Variants in CSMD1 observed in about 807,000 individuals in gnomAD.
CSMD1 encodes the protein CUB and sushi domain-containing protein 1.
CSMD1 carries 213 observed loss-of-function variants against 417.5 expected under a neutral mutation model. The ratio of observed to expected loss-of-function variants is 0.51; its 90% CI spans 0.46 to 0.57. The LOEUF (loss-of-function observed/expected upper bound fraction) is 0.57. CSMD1 is among the 20% of genes least tolerant of loss of function. The pLI is 0.00. For missense variants in CSMD1, 6,923 were observed against 4,529.7 expected (o/e 1.53, Z -15.17); for synonymous variants, 2,862 against 1,736.8 (o/e 1.65, Z -16.11).
Position 3,903,186 on chromosome 8 carries a change from C to G in CSMD1, c.818+94717G>C, listed in dbSNP as rs113089726. 3.7e-3 allele frequency among the ~76,000 whole-genome samples: 558 copies of G among 152,186 alleles called. 4 individuals are homozygous for G. The highest frequency in any genetic ancestry group is 0.013 in the African/African-American group (542 of 41,524). The stretch of plus-strand genomic sequence containing the variant: ...ATTTAGCGATTGAGTATTAAGTGTT[C>G]TTCTTACCCTTCAGTGTGACTCTGC... On this transcript the variant is annotated intron_variant, in intron 5 of 69. Transcript: ENST00000635120.
intron 5 of CSMD1, among the ~76,000 whole-genome samples, chr8:3,845,326 G>A (rs948609557): frequency 3.3e-5 from 5 of 152,166 alleles, no homozygotes; most frequent in Non-Finnish European, 7.4e-5. Flanking sequence ...CACACACTGA[G>A]GCTCTACGAT....
chr8:4,243,533 G>C (rs60461953), intron 3 of CSMD1, among the ~76,000 whole-genome samples: 13,123 of 152,036 alleles, frequency 0.086, 861 homozygotes, highest in East Asian at 0.38. Context: ...TGTAACCAGA[G>C]AAATGGGGAA....
At chr8:4,937,433 T>C (rs1288590039) in intron 1 of CSMD1, among the ~76,000 whole-genome samples, 1 of 152,152 alleles carries the variant, frequency 6.6e-6, no homozygotes, top group Non-Finnish European at 1.5e-5. Context: ...AATAGTGTTT[T>C]TCTCTATGAT....
chr8:4,869,782 ATC>A (rs1802628156), intron 1 of CSMD1, among the ~76,000 whole-genome samples: 1 of 152,030 alleles, frequency 6.6e-6, no homozygotes, highest in Non-Finnish European at 1.5e-5. Flanking sequence ...CTACTTACAC[ATC>A]TGTTTCTTTA....
chr8:4,125,960 T>C (rs1393411975), intron 3 of CSMD1, among the ~76,000 whole-genome samples: 2 of 152,114 alleles, frequency 1.3e-5, no homozygotes, highest in Non-Finnish European at 2.9e-5. Context: ...CACATTACTA[T>C]TGTAAAACCT....
intron 5 of CSMD1, among the ~76,000 whole-genome samples, chr8:3,860,955 T>A (rs960418383): frequency 3.3e-5 from 5 of 152,226 alleles, no homozygotes; most frequent in African/African-American, 1.2e-4. Context: ...TTGATATACT[T>A]CATGCAAAAT....
intron 3 of CSMD1, among the ~76,000 whole-genome samples, chr8:4,051,696 T>A (rs78089434): frequency 9.7e-4 from 148 of 152,224 alleles, no homozygotes; most frequent in African/African-American, 3.4e-3. Flanking sequence ...CAATTTATTT[T>A]CCAAAAATCA....
chr8:4,869,155 C>A (rs1186101535), intron 1 of CSMD1, among the ~76,000 whole-genome samples: 4 of 151,912 alleles, frequency 2.6e-5, no homozygotes, highest in Admixed American at 2.6e-4. Context: ...CAAAATAAAT[C>A]TATCTAGTAA....
chr8:3,976,676 C>G (rs2130135659), intron 5 of CSMD1, among the ~76,000 whole-genome samples: 1 of 152,294 alleles, frequency 6.6e-6, no homozygotes, highest in African/African-American at 2.4e-5. Context: ...TGCGCATTCC[C>G]TATTCTAAGA....
At chr8:3,538,047 T>A (rs1437978369) in intron 10 of CSMD1, among the ~76,000 whole-genome samples, 4 of 152,240 alleles carry the variant, frequency 2.6e-5, no homozygotes, top group Admixed American at 2.6e-4. Context: ...ATGCTAGATG[T>A]GCAGAACCTG....
chr8:4,938,828 C>G (rs971929532), intron 1 of CSMD1, among the ~76,000 whole-genome samples: 3 of 152,156 alleles, frequency 2.0e-5, no homozygotes, highest in Non-Finnish European at 2.9e-5. Flanking sequence ...AGGTGCCAAA[C>G]ATTATTGAAA....
chr8:4,867,084 T>A (rs1373378739), intron 1 of CSMD1, among the ~76,000 whole-genome samples: 1 of 152,042 alleles, frequency 6.6e-6, no homozygotes, highest in Non-Finnish European at 1.5e-5. Context: ...TTGCTTAGAA[T>A]TTAAGAAAAT....
In CSMD1 at chr8:4,420,945, C is replaced by A. The variant is rs1291117161; in HGVS notation, c.303-880G>T. 2.6e-5 allele frequency among the ~76,000 whole-genome samples: 4 copies of A among 152,184 alleles called. No homozygotes were observed. In the East Asian group the frequency reaches 7.7e-4, roughly 29 times the overall value. On this transcript the variant is annotated intron_variant, in intron 2 of 69. Transcript: ENST00000635120. ...TCTTTTGGTTTATCACCTTTCTTAT[C>A]TGGTACAATTCACGGGGATCTTCAA...
chr8:3,582,194 C>T (rs934609461), intron 9 of CSMD1, among the ~76,000 whole-genome samples: 2 of 152,180 alleles, frequency 1.3e-5, no homozygotes, highest in Admixed American at 6.5e-5. Flanking sequence ...CAGCAAAGAA[C>T]GATTCCCTGT....
intron 49 of CSMD1, among the ~76,000 whole-genome samples, chr8:3,076,698 A>G (rs1322351743): frequency 2.6e-5 from 4 of 152,200 alleles, no homozygotes; most frequent in Non-Finnish European, 5.9e-5. Flanking sequence ...AAACCTCATG[A>G]AAGAAAGGAT....
chr8:4,795,995 G>A (rs551629712), intron 1 of CSMD1, among the ~76,000 whole-genome samples: 3 of 152,194 alleles, frequency 2.0e-5, no homozygotes, highest in African/African-American at 7.2e-5. Flanking sequence ...ATGTCATAAA[G>A]CAAAGAAACA....
chr8:4,891,481 A>G (rs1315262910), intron 1 of CSMD1, among the ~76,000 whole-genome samples: 3 of 152,182 alleles, frequency 2.0e-5, no homozygotes, highest in African/African-American at 4.8e-5. Flanking sequence ...TTAATTTGAA[A>G]GGTCTGTAAT....
chr8:4,159,564 C>T (rs1249233856), intron 3 of CSMD1, among the ~76,000 whole-genome samples: 8 of 152,268 alleles, frequency 5.3e-5, no homozygotes, highest in Admixed American at 1.3e-4. Flanking sequence ...ATGGTATTCA[C>T]AGCAACCTGG....
chr8:4,557,922 A>G (rs982889391), intron 2 of CSMD1, among the ~76,000 whole-genome samples: 2 of 152,138 alleles, frequency 1.3e-5, no homozygotes, highest in African/African-American at 4.8e-5. Context: ...TTTTCATCAT[A>G]TCTTAGGCTA....
Sources: allele counts gnomAD v4.1 joint callset (sites outside exome capture counted in the v4.1 genomes callset), GRCh38; gene constraint gnomAD v4.1.1; transcripts MANE v1.5; gene names NCBI Gene and HGNC (gene_info 2026-07-23, HGNC 2026-07-21).